The following SNTG1 variants were observed in gnomAD, a reference collection of about 807,000 sequenced individuals.
SNTG1 encodes the protein gamma-1-syntrophin.
A neutral mutation model predicts 74.7 loss-of-function variants in SNTG1; 39 were observed. The ratio of observed to expected loss-of-function variants is 0.52; its 90% confidence interval spans 0.40 to 0.68. The LOEUF is 0.68. Among genes scored for constraint, SNTG1 ranks in the 30% least tolerant of loss-of-function variants. The pLI is 0.00. For synonymous variants in SNTG1, 254 were observed against 217.1 expected (o/e 1.17, Z -1.49); for missense variants, 685 against 609.5 (o/e 1.12, Z -1.30).
Position 49,954,204 on chromosome 8 carries a change from G to C in SNTG1, c.-103+41973G>C, listed in dbSNP as rs1006545474. Among the ~76,000 whole-genome samples the C allele has an allele frequency of 2.6e-5, 4 of 152,128 alleles. No individual in the cohort carries two copies. The East Asian group carries it at 7.7e-4, about 29-fold the overall frequency. ...TTTTTAAAGGAAATACTACCAGAGA[G>C]AGAATCACATATGGTTAGAAAGTAA... On this transcript the variant is annotated intron_variant, in intron 1 of 18. Coordinates refer to ENST00000642720, the MANE Select transcript of SNTG1 (RefSeq NM_018967.5).
chr8:50,237,061 T>C (rs1211999410), intron 2 of SNTG1, among the ~76,000 whole-genome samples: 1 of 152,226 alleles, frequency 6.6e-6, no homozygotes, highest in African/African-American at 2.4e-5. Context: ...TAATAATTTA[T>C]TAAAATCAGA....
intron 17 of SNTG1, among the ~76,000 whole-genome samples, chr8:50,734,209 G>A (rs1012345481): frequency 2.0e-5 from 3 of 151,630 alleles, no homozygotes; most frequent in Admixed American, 6.6e-5. Context: ...AACTTGCATA[G>A]GTTAATGTAG....
intron 1 of SNTG1, among the ~76,000 whole-genome samples, chr8:50,007,781 C>A (rs900477383): frequency 6.6e-6 from 1 of 151,766 alleles, no homozygotes; most frequent in African/African-American, 2.4e-5. Context: ...ATTTTCACAC[C>A]GCTATAAAGA....
At chr8:50,541,726 G>A (rs1394785468) in intron 11 of SNTG1, among the ~76,000 whole-genome samples, 1 of 151,726 alleles carries the variant, frequency 6.6e-6, no homozygotes, top group African/African-American at 2.4e-5. Context: ...ATAAACTACA[G>A]TCACCTTACT....
chr8:50,227,715 C>T (rs111705648), intron 2 of SNTG1, among the ~76,000 whole-genome samples: 8 of 150,760 alleles, frequency 5.3e-5, no homozygotes, highest in South Asian at 2.1e-4. Flanking sequence ...GACAAGTCAT[C>T]GGAGAAGCCA....
chr8:50,604,707 C>T (rs747484152), intron 13 of SNTG1, among the ~76,000 whole-genome samples: 1 of 152,122 alleles, frequency 6.6e-6, no homozygotes, highest in African/African-American at 2.4e-5. Context: ...CTGGATTTAG[C>T]CACCACAATA....
intron 2 of SNTG1, among the ~76,000 whole-genome samples, chr8:50,316,116 ATC>A (rs552636658): frequency 1.1e-3 from 175 of 152,276 alleles, no homozygotes; most frequent in African/African-American, 3.9e-3. Flanking sequence ...ATTTAATCTT[ATC>A]TCTCAGTCTT....
At chr8:50,649,431 G>A (rs566090954) in intron 13 of SNTG1, among the ~76,000 whole-genome samples, 2 of 152,190 alleles carry the variant, frequency 1.3e-5, no homozygotes, top group South Asian at 2.1e-4. Context: ...CTCAGGAGCC[G>A]GAGGTTGCAG....
intron 2 of SNTG1, among the ~76,000 whole-genome samples, chr8:50,209,064 A>G (rs548375407): frequency 2.0e-5 from 3 of 152,322 alleles, no homozygotes; most frequent in East Asian, 1.9e-4. Flanking sequence ...ATGGCACATC[A>G]GGAGATTATA....
intron 17 of SNTG1, among the ~76,000 whole-genome samples, chr8:50,730,323 A>G (rs1166325066): frequency 6.6e-6 from 1 of 152,180 alleles, no homozygotes; most frequent in Non-Finnish European, 1.5e-5. Flanking sequence ...GAAAAAGAAC[A>G]CTGCTATTTA....
At chr8:49,956,931 T>C (rs1810233035) in intron 1 of SNTG1, among the ~76,000 whole-genome samples, 1 of 152,220 alleles carries the variant, frequency 6.6e-6, no homozygotes, top group African/African-American at 2.4e-5. Flanking sequence ...CTGCATGTTA[T>C]TGTTTATATG....
chr8:50,076,953 A>T (rs545505751), intron 1 of SNTG1, among the ~76,000 whole-genome samples: 174 of 152,352 alleles, frequency 1.1e-3, no homozygotes, highest in African/African-American at 4.1e-3. Flanking sequence ...AACAGGAAGT[A>T]TAGTTGTCAG....
At chr8:50,577,665 T>C (rs1205344125) in intron 12 of SNTG1, among the ~76,000 whole-genome samples, 2 of 152,308 alleles carry the variant, frequency 1.3e-5, no homozygotes, top group East Asian at 3.9e-4. Flanking sequence ...CACTGTGTTA[T>C]ATGTTGGCAA....
chr8:50,762,026 T>C (rs575661954), intron 18 of SNTG1, among the ~76,000 whole-genome samples: 1 of 152,130 alleles, frequency 6.6e-6, no homozygotes, highest in East Asian at 1.9e-4. Flanking sequence ...AAGTAGACAT[T>C]GCTACCTTAT....
chr8:50,105,997 C>G (rs1301832938), intron 1 of SNTG1, among the ~76,000 whole-genome samples: 2 of 152,154 alleles, frequency 1.3e-5, no homozygotes, highest in African/African-American at 4.8e-5. Context: ...TTGACTTACT[C>G]TCTTCCTATT....
rs1476043245 is a variant in SNTG1 at position 50,511,432 on chromosome 8, T to C, written c.466+8552T>C. 2.0e-5 allele frequency among the ~76,000 whole-genome samples: 3 copies of C among 152,274 alleles called. No homozygotes were observed. The East Asian group carries it at 5.8e-4, about 29-fold the overall frequency. Reference sequence around the variant, plus strand: ...GAGTTCTGTAGATGTCTATTAGGTCTGCTTGGTGCAGAGCTGAGTTCAATT... The same window carrying C: ...GAGTTCTGTAGATGTCTATTAGGTCCGCTTGGTGCAGAGCTGAGTTCAATT... On this transcript the variant is annotated intron_variant, in intron 9 of 18. Coordinates refer to ENST00000642720, the MANE Select transcript of SNTG1 (RefSeq NM_018967.5).
intron 1 of SNTG1, among the ~76,000 whole-genome samples, chr8:49,994,917 C>A (rs1391254224): frequency 1.3e-5 from 2 of 152,064 alleles, no homozygotes; most frequent in Non-Finnish European, 2.9e-5. Flanking sequence ...TATTTCAATG[C>A]CCTCATGGGT....
chr8:49,962,322 AT>A (rs1322092905), intron 1 of SNTG1, among the ~76,000 whole-genome samples: 2 of 151,542 alleles, frequency 1.3e-5, no homozygotes, highest in Non-Finnish European at 2.9e-5. Flanking sequence ...GGCGGGTGAT[AT>A]CTAGGGTGCC....
At chr8:50,148,157 G>T (rs1017252184) in intron 1 of SNTG1, among the ~76,000 whole-genome samples, 8 of 151,920 alleles carry the variant, frequency 5.3e-5, no homozygotes, top group Non-Finnish European at 1.2e-4. Context: ...TATATCTATA[G>T]ACACTATATT....
Sources: allele counts gnomAD v4.1 joint callset (sites outside exome capture counted in the v4.1 genomes callset), GRCh38; gene constraint gnomAD v4.1.1; transcripts MANE v1.5; gene names NCBI Gene and HGNC (gene_info 2026-07-23, HGNC 2026-07-21).